Variants in COPG2 observed in about 807,000 individuals in gnomAD.
COPG2 encodes the protein coat protein complex I subunit gamma 2.
Under a neutral mutation model 46.3 loss-of-function variants are expected in COPG2, and 37 were observed. The observed-to-expected ratio is 0.80, with a 90% CI of 0.61 to 1.05. The LOEUF is 1.05. COPG2 is among the 50% of genes least tolerant of loss of function. The probability of loss-of-function intolerance (pLI) is 0.00; values close to 1 mark genes in which losing one functional copy is unlikely to be tolerated. For missense variants in COPG2, 427 were observed against 387.8 expected, an observed-to-expected ratio of 1.10 and a Z score of -0.85; for synonymous variants, 159 against 129.7, an observed-to-expected ratio of 1.23 and a Z score of -1.53.
intron 5 of COPG2, among the ~76,000 whole-genome samples, chr7:130,633,232 T>C (rs538415414): frequency 6.2e-4 from 94 of 152,244 alleles, no homozygotes; most frequent in Non-Finnish European, 1.2e-3. Flanking sequence ...TATAGCAGAA[T>C]GATTTATAAT....
intron 12 of COPG2, among the ~76,000 whole-genome samples, chr7:130,559,347 A>G (rs1184822496): frequency 1.3e-5 from 2 of 152,150 alleles, no homozygotes; most frequent in Non-Finnish European, 2.9e-5. Flanking sequence ...CCCAGCTGCC[A>G]GGGGCCGGAG....
intron 5 of COPG2, among the ~76,000 whole-genome samples, chr7:130,637,553 T>C (rs1179963237): frequency 6.6e-6 from 1 of 152,236 alleles, no homozygotes; most frequent in East Asian, 1.9e-4. Flanking sequence ...GATGTTCTCA[T>C]GCTGTGTTTT....
intron 9 of COPG2, chr7:130,610,146 C>A (rs782763293): frequency 1.9e-6 from 1 of 515,422 alleles, no homozygotes; most frequent in Non-Finnish European, 3.9e-6. Flanking sequence ...CTAGACACTG[C>A]TTATAAAGGT....
At chr7:130,544,900 G>T (rs1194904190) in intron 20 of COPG2, among the ~76,000 whole-genome samples, 1 of 152,098 alleles carries the variant, frequency 6.6e-6, no homozygotes, top group Admixed American at 6.6e-5. Context: ...AGGTGTTATG[G>T]TAATATATTG....
intron 20 of COPG2, among the ~76,000 whole-genome samples, chr7:130,541,456 G>A (rs1799936605): frequency 6.6e-6 from 1 of 152,186 alleles, no homozygotes; most frequent in South Asian, 2.1e-4. Flanking sequence ...CACCCAGGAG[G>A]AGCAGAGGAG....
At chr7:130,526,746 G>A (rs1264985058) in intron 20 of COPG2, among the ~76,000 whole-genome samples, 1 of 151,326 alleles carries the variant, frequency 6.6e-6, no homozygotes, top group East Asian at 1.9e-4. Flanking sequence ...AGGAATGACT[G>A]CTCTTAAAGC....
At chr7:130,520,988 A>T (rs1003388402) in intron 20 of COPG2, among the ~76,000 whole-genome samples, 2,683 of 152,262 alleles carry the variant, frequency 0.018, 83 homozygotes, top group African/African-American at 0.061. Context: ...AAATACTTAA[A>T]AGTTTTCTTT....
At chr7:130,659,350 G>A (rs1469333121) in intron 4 of COPG2, among the ~76,000 whole-genome samples, 24 of 7,536 alleles carry the variant, frequency 3.2e-3, no homozygotes, top group African/African-American at 6.2e-3. Context: ...GCAAGACTCC[G>A]TCTCAAAAAA....
At chr7:130,644,510 C>T (rs1240944451) in intron 5 of COPG2, among the ~76,000 whole-genome samples, 1 of 152,150 alleles carries the variant, frequency 6.6e-6, no homozygotes, top group Non-Finnish European at 1.5e-5. Flanking sequence ...AAGGTTGTCA[C>T]ATAGTGATCA....
intron 20 of COPG2, among the ~76,000 whole-genome samples, chr7:130,535,149 G>A (rs1454754369): frequency 3.9e-5 from 6 of 152,208 alleles, no homozygotes; most frequent in Non-Finnish European, 8.8e-5. Flanking sequence ...AGATGACTGA[G>A]TCAGATGAAG....
Position 130,597,484 on chromosome 7 carries a change from T to G in COPG2, c.737+13469A>C, listed in dbSNP as rs782086766. Among the ~76,000 whole-genome samples the G allele has an allele frequency of 3.9e-5, 6 of 152,202 alleles. No individual in the cohort carries two copies. The East Asian group carries it at 9.6e-4, about 24-fold the overall frequency. On this transcript the variant is annotated intron_variant, in intron 9 of 23. Coordinates refer to ENST00000425248, the MANE Select transcript of COPG2 (RefSeq NM_012133.6). ...GTACCCCTGAGGAAAAGCAGTGTATTTGGGCACAGGCCCAGGCTTATGCTG... is the reference window on the plus strand; with the variant it reads ...GTACCCCTGAGGAAAAGCAGTGTATGTGGGCACAGGCCCAGGCTTATGCTG...
At chr7:130,644,733 A>G (rs1187706477) in intron 5 of COPG2, among the ~76,000 whole-genome samples, 2 of 152,158 alleles carry the variant, frequency 1.3e-5, no homozygotes, top group South Asian at 2.1e-4. Flanking sequence ...TTGGTGCCAG[A>G]TATTTCCCAA....
At chr7:130,509,386 T>G in intron 20 of COPG2, 1 of 451,906 alleles carries the variant, frequency 2.2e-6, no homozygotes, top group Non-Finnish European at 4.4e-6. Context: ...AGGAGGGGAT[T>G]TAGCAAGCAG....
At chr7:130,581,836 G>T (rs1408570461) in intron 9 of COPG2, among the ~76,000 whole-genome samples, 23 of 139,326 alleles carry the variant, frequency 1.7e-4, no homozygotes, top group Non-Finnish European at 2.7e-4. Flanking sequence ...CACTGCTCAA[G>T]GAAATAAAAG....
At chr7:130,590,455 G>A (rs1434549627) in intron 9 of COPG2, among the ~76,000 whole-genome samples, 2 of 152,176 alleles carry the variant, frequency 1.3e-5, no homozygotes, top group South Asian at 2.1e-4. Context: ...ACGGGGTTTC[G>A]CTGTGTTGGC....
chr7:130,616,217 A>C (rs1218431289), intron 6 of COPG2, among the ~76,000 whole-genome samples: 1 of 152,190 alleles, frequency 6.6e-6, no homozygotes, highest in Non-Finnish European at 1.5e-5. Context: ...TTCCAAGTGC[A>C]AAATACTCTA....
chr7:130,507,730 C>T lies in COPG2; in HGVS notation c.2341G>A (p.Glu781Lys). 1.3e-6 allele frequency: 1 copy of T among 780,518 alleles called. No individual in the cohort carries two copies. The highest frequency in any genetic ancestry group is 2.4e-6 in the Non-Finnish European group (1 of 417,890). The allele number at this position is 780,518 out of a possible 1,614,324, so 48.3% of individuals were successfully genotyped here. A position where few individuals can be genotyped will look rare whatever the true frequency, so the allele number is the denominator to read the frequency against. The change falls in exon 22 of 24, where the codon GAG becomes AAG. Residue 781 changes from glutamate to lysine, a missense_variant. Coordinates refer to ENST00000425248, the MANE Select transcript of COPG2 (RefSeq NM_012133.6). Reference sequence around the variant, plus strand: ...CTGAGGGCAAAGGTTTCCTCTTTCTCAAAGGTATCTCCCACCTCTTCCCAA... The same window carrying T: ...CTGAGGGCAAAGGTTTCCTCTTTCTTAAAGGTATCTCCCACCTCTTCCCAA... Reference protein sequence around the residue: ...AAWEEVGDTFEKEETFALSST... With the variant: ...AAWEEVGDTFKKEETFALSST...
At chr7:130,630,643 C>T (rs1795210367) in intron 5 of COPG2, among the ~76,000 whole-genome samples, 1 of 152,132 alleles carries the variant, frequency 6.6e-6, no homozygotes, top group Admixed American at 6.6e-5. Flanking sequence ...GTTTCAAGCA[C>T]TGTGAAACTC....
chr7:130,666,200 T>C (rs1170525874), intron 3 of COPG2, among the ~76,000 whole-genome samples: 1 of 152,192 alleles, frequency 6.6e-6, no homozygotes, highest in Non-Finnish European at 1.5e-5. Flanking sequence ...ATAGGGATAA[T>C]AAATATAAAA....
Sources: allele counts gnomAD v4.1 joint callset (sites outside exome capture counted in the v4.1 genomes callset), GRCh38; gene constraint gnomAD v4.1.1; transcripts MANE v1.5; gene names NCBI Gene and HGNC (gene_info 2026-07-23, HGNC 2026-07-21).